Variants in SDK1 observed in about 807,000 individuals in gnomAD.
The protein encoded by SDK1 is protein sidekick-1.
In SDK1, 157 loss-of-function variants were observed where a neutral mutation model predicts 245.5. The ratio of observed to expected loss-of-function variants is 0.64; its 90% CI spans 0.56 to 0.73. SDK1 has a LOEUF of 0.73. Ranked by LOEUF, SDK1 falls within the 30% of genes least tolerant of loss-of-function variation. The pLI is 0.00. For missense variants in SDK1, 3,583 were observed against 3,002.3 expected (o/e 1.19, Z -4.52); for synonymous variants, 1,647 against 1,278.5 (o/e 1.29, Z -6.15).
At chr7:3,566,720 CAAAA>C (rs908670320) in intron 1 of SDK1, among the ~76,000 whole-genome samples, 5 of 72,588 alleles carry the variant, frequency 6.9e-5, no homozygotes, top group Admixed American at 1.4e-4. Flanking sequence ...AAACTACTGC[CAAAA>C]AAAAAAAAAA....
intron 1 of SDK1, among the ~76,000 whole-genome samples, chr7:3,349,194 AAAAC>A (rs1261044097): frequency 4.0e-5 from 6 of 151,426 alleles, no homozygotes; most frequent in Admixed American, 3.9e-4. Flanking sequence ...AGTTTAAAAA[AAAAC>A]AACAAAAAAA....
At chr7:3,646,622 G>T (rs1782846061) in intron 4 of SDK1, among the ~76,000 whole-genome samples, 1 of 152,150 alleles carries the variant, frequency 6.6e-6, no homozygotes, top group Non-Finnish European at 1.5e-5. Context: ...TTCTGGATCA[G>T]CCTGATTCTT....
chr7:4,091,677 C>T (rs1781812083), intron 22 of SDK1, among the ~76,000 whole-genome samples: 1 of 152,084 alleles, frequency 6.6e-6, no homozygotes, highest in East Asian at 1.9e-4. Flanking sequence ...GATGAATGAG[C>T]AGGCATCTCT....
At chr7:3,386,487 G>A (rs796089928) in intron 1 of SDK1, among the ~76,000 whole-genome samples, 10 of 152,286 alleles carry the variant, frequency 6.6e-5, no homozygotes, top group African/African-American at 2.4e-4. Flanking sequence ...TAACAGAGCT[G>A]TCTAGAAGTA....
intron 4 of SDK1, among the ~76,000 whole-genome samples, chr7:3,667,474 G>T (rs1344039970): frequency 1.3e-5 from 2 of 152,150 alleles, no homozygotes; most frequent in Admixed American, 1.3e-4. Context: ...TTCAAGGATA[G>T]AATTCACTCT....
rs539248206 is a variant in SDK1 at position 4,146,386 on chromosome 7, GAC to G, written c.4423+472_4423+473del. Among the ~76,000 whole-genome samples the G allele has an allele frequency of 7.2e-3, 1,074 of 149,126 alleles. 17 individuals carry two copies. The highest frequency in any genetic ancestry group is 0.025 in the African/African-American group (1,012 of 40,080). The stretch of plus-strand genomic sequence containing the variant: ...CTTCTGCCTCACACCTGCTCTCTCA[GAC>G]ATGTGAGCATTTCGTGACACACTTT... On this transcript the variant is annotated intron_variant, in intron 29 of 44. Transcript: ENST00000404826.
chr7:4,257,150 C>A (rs377523430), intron 44 of SDK1, among the ~76,000 whole-genome samples: 1 of 152,178 alleles, frequency 6.6e-6, no homozygotes, highest in South Asian at 2.1e-4. Context: ...CCTCCTGCTC[C>A]CACCAGCTTA....
Position 4,149,278 on chromosome 7 carries a change from C to T in SDK1, c.4440C>T (p.Pro1480=), listed in dbSNP as rs1160052001. The T allele has an allele frequency of 6.5e-7, 1 of 1,543,210 alleles. No individual in the cohort carries two copies. Among genetic ancestry groups the T allele is most frequent in the Non-Finnish European group, 8.7e-7 (1 of 1,144,970 alleles). The change falls in exon 30 of 45, where the codon CCC becomes CCT. Residue 1480 remains proline (P), a synonymous_variant. Coordinates refer to ENST00000404826, the MANE Select transcript of SDK1 (RefSeq NM_152744.4). ...TGGTTGCAGAGCGGCCGGCACCCCC[C>T]AGAGAGCTCCTGGTGCCCCAGGCAG... ...TTEKRERPAP[P]RELLVPQAEV...
At chr7:3,986,001 G>A (rs1159563506) in intron 13 of SDK1, among the ~76,000 whole-genome samples, 2 of 151,998 alleles carry the variant, frequency 1.3e-5, no homozygotes, top group Non-Finnish European at 2.9e-5. Context: ...CCCTCTTCCC[G>A]GCACTGCCTG....
chr7:4,165,048 T>C (rs1436079170), intron 32 of SDK1, among the ~76,000 whole-genome samples: 3 of 152,202 alleles, frequency 2.0e-5, no homozygotes, highest in African/African-American at 7.2e-5. Context: ...ACCTTTTGTG[T>C]TTTTTGTTTT....
chr7:3,772,153 C>T (rs2115001139), intron 4 of SDK1, among the ~76,000 whole-genome samples: 1 of 152,184 alleles, frequency 6.6e-6, no homozygotes, highest in South Asian at 2.1e-4. Flanking sequence ...TATTCTTTTT[C>T]CTATATGTCT....
intron 4 of SDK1, among the ~76,000 whole-genome samples, chr7:3,819,262 C>T (rs1363010802): frequency 6.7e-6 from 1 of 150,136 alleles, no homozygotes; most frequent in Non-Finnish European, 1.5e-5. Flanking sequence ...TGGCTTAAAC[C>T]TTTATAGAAA....
chr7:4,092,335 G>A (rs1781860320), intron 22 of SDK1, among the ~76,000 whole-genome samples: 1 of 152,134 alleles, frequency 6.6e-6, no homozygotes, highest in African/African-American at 2.4e-5. Flanking sequence ...GTCCTCCCAG[G>A]ACGCCTGGTT....
chr7:3,442,987 G>C (rs1302180270), intron 1 of SDK1, among the ~76,000 whole-genome samples: 1 of 151,812 alleles, frequency 6.6e-6, no homozygotes, highest in Non-Finnish European at 1.5e-5. Context: ...GATTAGATGA[G>C]GTGTGGGAAG....
At chr7:4,082,454 G>A (rs1307029610) in intron 22 of SDK1, among the ~76,000 whole-genome samples, 1 of 150,940 alleles carries the variant, frequency 6.6e-6, no homozygotes, top group African/African-American at 2.4e-5. Flanking sequence ...AGAATCGCTT[G>A]AACCTGGGAG....
intron 35 of SDK1, among the ~76,000 whole-genome samples, chr7:4,199,361 G>GT (rs1361522305): frequency 2.6e-5 from 4 of 152,164 alleles, no homozygotes; most frequent in African/African-American, 4.8e-5. Context: ...TTTTAACTTT[G>GT]TTTATCATAA....
intron 4 of SDK1, among the ~76,000 whole-genome samples, chr7:3,682,009 G>T (rs1784114882): frequency 6.6e-6 from 1 of 152,186 alleles, no homozygotes; most frequent in Non-Finnish European, 1.5e-5. Context: ...GCAGTGAAAA[G>T]TAAATGGGAG....
intron 5 of SDK1, among the ~76,000 whole-genome samples, chr7:3,930,651 C>T (rs903454828): frequency 1.1e-4 from 16 of 152,034 alleles, no homozygotes; most frequent in African/African-American, 3.1e-4. Context: ...AAATTAGCCA[C>T]GCATGGTGGC....
In SDK1 at chr7:4,145,909, G is replaced by T; in HGVS notation, c.4416G>T (p.Glu1472Asp). 6.2e-7 allele frequency: 1 copy of T among 1,605,832 alleles called. No individual in the cohort carries two copies. Among genetic ancestry groups the T allele is most frequent in the South Asian group, 1.1e-5 (1 of 90,292 alleles). Residue 1472 changes from glutamate (E) to aspartate (D), a missense_variant, in exon 29 of 45, where the codon GAG becomes GAT. By Grantham distance (45) the Glu-to-Asp change is conservative (BLOSUM62 2). Transcript: ENST00000404826. ...TGGAGGCCACCGTCATCACCACCGA[G>T]AAGAGAGGTAAGACCTTGGGGGACC... ...EPLEATVITTEKRERPAPPRE... is the reference protein window; with the variant it reads ...EPLEATVITTDKRERPAPPRE...
Sources: allele counts gnomAD v4.1 joint callset (sites outside exome capture counted in the v4.1 genomes callset), GRCh38; gene constraint gnomAD v4.1.1; transcripts MANE v1.5; gene names NCBI Gene and HGNC (gene_info 2026-07-23, HGNC 2026-07-21).